LRRC7: variants seen among roughly 807,000 people sequenced by gnomAD.
The protein encoded by LRRC7 is leucine-rich repeat-containing protein 7.
LRRC7 carries 23 observed loss-of-function variants against 175.7 expected under a neutral mutation model. The observed-to-expected ratio is 0.13, with a 90% CI of 0.09 to 0.19. The LOEUF is 0.19. LRRC7 is among the 10% of genes least tolerant of loss of function. The probability of loss-of-function intolerance (pLI) is 1.00; values close to 1 mark genes in which losing one functional copy is unlikely to be tolerated. For synonymous variants in LRRC7, 685 were observed against 680.9 expected (o/e 1.01, Z -0.09); for missense variants, 1,354 against 1,904.7 (o/e 0.71, Z 5.38).
chr1:69,835,922 A>T (rs1681047654), intron 6 of LRRC7, among the ~76,000 whole-genome samples: 1 of 152,000 alleles, frequency 6.6e-6, no homozygotes, highest in Non-Finnish European at 1.5e-5. Context: ...TTAGAAGTAA[A>T]ATTATGAATA....
chr1:69,891,340 G>A (rs1224077419), intron 7 of LRRC7, among the ~76,000 whole-genome samples: 1 of 152,188 alleles, frequency 6.6e-6, no homozygotes, highest in Non-Finnish European at 1.5e-5. Context: ...GGTGGAACAG[G>A]CAGAATATAC....
chr1:69,897,955 G>A (rs1450981168), intron 7 of LRRC7, among the ~76,000 whole-genome samples: 5 of 152,160 alleles, frequency 3.3e-5, no homozygotes, highest in South Asian at 2.1e-4. Context: ...TGGCTGCTCC[G>A]TGCAGAGTAG....
intron 23 of LRRC7, among the ~76,000 whole-genome samples, chr1:70,071,070 G>A (rs1662347780): frequency 6.6e-6 from 1 of 152,118 alleles, no homozygotes; most frequent in South Asian, 2.1e-4. Flanking sequence ...TGTTTGGGGT[G>A]GGGCTACAGT....
intron 7 of LRRC7, among the ~76,000 whole-genome samples, chr1:69,880,145 G>A (rs1484827101): frequency 6.6e-6 from 1 of 152,116 alleles, no homozygotes; most frequent in African/African-American, 2.4e-5. Flanking sequence ...AAAATGGGAT[G>A]GGATAAAATG....
chr1:69,946,397 T>A (rs1204957898), intron 8 of LRRC7, among the ~76,000 whole-genome samples: 1 of 152,182 alleles, frequency 6.6e-6, no homozygotes, highest in Non-Finnish European at 1.5e-5. Flanking sequence ...ATTCTGTACA[T>A]GTCTGTTAAG....
chr1:69,928,221 G>A (rs555559624), intron 7 of LRRC7, among the ~76,000 whole-genome samples: 1 of 152,262 alleles, frequency 6.6e-6, no homozygotes, highest in African/African-American at 2.4e-5. Context: ...CCTACTGTGG[G>A]GTGCCTCCCA....
chr1:69,693,796 T>C (rs537250817), intron 2 of LRRC7, among the ~76,000 whole-genome samples: 1 of 152,356 alleles, frequency 6.6e-6, no homozygotes, highest in South Asian at 2.1e-4. Context: ...GGGTCTGAAC[T>C]GAGTTGCTAA....
intron 6 of LRRC7, among the ~76,000 whole-genome samples, chr1:69,837,164 C>A (rs1681213569): frequency 6.6e-6 from 1 of 151,894 alleles, no homozygotes. Context: ...ACTCTGAATA[C>A]CTCTCATTCT....
At chr1:69,798,355 C>T (rs970443162) in intron 4 of LRRC7, among the ~76,000 whole-genome samples, 3 of 152,058 alleles carry the variant, frequency 2.0e-5, no homozygotes, top group Admixed American at 1.3e-4. Context: ...CTGGTTCAAT[C>T]GTACTTATTA....
chr1:70,056,885 C>T (rs1199687222), intron 23 of LRRC7, among the ~76,000 whole-genome samples: 2 of 152,004 alleles, frequency 1.3e-5, no homozygotes, highest in African/African-American at 4.8e-5. Context: ...AGGGAACGGT[C>T]AACTGTCAAA....
chr1:69,697,662 G>A (rs1662781259), intron 2 of LRRC7, among the ~76,000 whole-genome samples: 1 of 152,198 alleles, frequency 6.6e-6, no homozygotes. Flanking sequence ...AAACTGCTAT[G>A]CCCTACAATA....
intron 4 of LRRC7, among the ~76,000 whole-genome samples, chr1:69,823,068 A>T (rs1679484811): frequency 6.6e-6 from 1 of 152,202 alleles, no homozygotes; most frequent in Admixed American, 6.5e-5. Context: ...ATTTTTGAGA[A>T]GTCAAATGTC....
intron 7 of LRRC7, among the ~76,000 whole-genome samples, chr1:69,856,743 A>C (rs1311830863): frequency 2.0e-5 from 3 of 152,162 alleles, no homozygotes; most frequent in Admixed American, 6.5e-5. Flanking sequence ...AAAAGAGGGA[A>C]TCCTCCCTAA....
intron 1 of LRRC7, among the ~76,000 whole-genome samples, chr1:69,602,711 C>G (rs1569854419): frequency 2.0e-5 from 3 of 152,238 alleles, no homozygotes; most frequent in Admixed American, 2.0e-4. Flanking sequence ...TTCCATGCCT[C>G]TCTCCTAGCT....
intron 3 of LRRC7, among the ~76,000 whole-genome samples, chr1:69,785,236 C>T (rs1336463529): frequency 6.6e-6 from 1 of 152,050 alleles, no homozygotes. Context: ...ATACTAGGTA[C>T]ATTTATAATT....
At chr1:69,850,006 A>G (rs899635192) in intron 7 of LRRC7, among the ~76,000 whole-genome samples, 4 of 152,014 alleles carry the variant, frequency 2.6e-5, no homozygotes, top group African/African-American at 9.7e-5. Flanking sequence ...AGAACACAGG[A>G]TGATGTTATA....
intron 2 of LRRC7, among the ~76,000 whole-genome samples, chr1:69,741,947 C>G (rs958772872): frequency 6.6e-6 from 1 of 151,946 alleles, no homozygotes; most frequent in Non-Finnish European, 1.5e-5. Context: ...GAACTTCCAT[C>G]GTGTGTGTAA....
chr1:69,919,130 TG>T (rs1386837183), intron 7 of LRRC7, among the ~76,000 whole-genome samples: 6 of 152,134 alleles, frequency 3.9e-5, no homozygotes, highest in Non-Finnish European at 8.8e-5. Flanking sequence ...TACATTGTCT[TG>T]GTCAGAAAGT....
At chr1:69,925,685 T>C (rs551966602) in intron 7 of LRRC7, among the ~76,000 whole-genome samples, 6 of 152,208 alleles carry the variant, frequency 3.9e-5, no homozygotes, top group African/African-American at 1.4e-4. Flanking sequence ...TTGATTCTTC[T>C]CTCCTTTCTT....
Sources: allele counts gnomAD v4.1 joint callset (sites outside exome capture counted in the v4.1 genomes callset), GRCh38; gene constraint gnomAD v4.1.1; transcripts MANE v1.5; gene names NCBI Gene and HGNC (gene_info 2026-07-23, HGNC 2026-07-21).